E2F5: variants seen among roughly 807,000 people sequenced by gnomAD.
The protein encoded by E2F5 is E2F transcription factor 5.
In E2F5, 23 loss-of-function variants were observed where a neutral mutation model predicts 39.1. The ratio of observed to expected loss-of-function variants is 0.59; its 90% confidence interval spans 0.42 to 0.83. E2F5 has a LOEUF of 0.83. Ranked by LOEUF, E2F5 falls within the 40% of genes least tolerant of loss-of-function variation. The probability of loss-of-function intolerance (pLI) is 0.00; values close to 1 mark genes in which losing one functional copy is unlikely to be tolerated. For missense variants in E2F5, 365 were observed against 406.7 expected, an observed-to-expected ratio of 0.90 and a Z score of 0.88; for synonymous variants, 145 against 157.8, an observed-to-expected ratio of 0.92 and a Z score of 0.61.
At position 85,212,461 on chromosome 8, in the gene E2F5, C is replaced by G. The variant is rs1812954485; in HGVS notation, c.931+257C>G. On this transcript the variant is annotated intron_variant, in intron 7 of 7. Transcript: ENST00000416274. ...ATTGAAAATAAACTGTTAGCCCTTT[C>G]CACTCCTGAAGGATCTGGTCCAAGA... The G allele has an allele frequency of 1.5e-5, 6 of 388,646 alleles. No homozygotes were observed. In the South Asian group the frequency reaches 1.6e-4, roughly 10 times the overall value. 24.1% of individuals were successfully genotyped at this position (388,646 alleles called of 1,614,324 possible).
At chr8:85,194,069 T>C (rs1812526110) in intron 1 of E2F5, among the ~76,000 whole-genome samples, 1 of 152,186 alleles carries the variant, frequency 6.6e-6, no homozygotes, top group African/African-American at 2.4e-5. Flanking sequence ...CTATCTTTTG[T>C]CCGTGTTTTA....
At chr8:85,204,290 A>T (rs1466480681) in intron 3 of E2F5, among the ~76,000 whole-genome samples, 1 of 152,050 alleles carries the variant, frequency 6.6e-6, no homozygotes, top group African/African-American at 2.4e-5. Flanking sequence ...TCTGTATATT[A>T]TGGTATTTTG....
chr8:85,209,346 G>A lies in E2F5; in HGVS notation c.820G>A (p.Glu274Lys). The A allele has an allele frequency of 1.2e-6, 2 of 1,613,936 alleles. No homozygotes were observed. The highest frequency in any genetic ancestry group is 1.7e-6 in the Non-Finnish European group (2 of 1,179,860). ...CAGCATGGCAACTCAAAATCTGCCT[G>A]AGCAACATGTCTCTGAAAGAAGCCA... Reference protein sequence around the residue: ...KSSMATQNLPEQHVSERSQAL... With the variant: ...KSSMATQNLPKQHVSERSQAL... Residue 274 changes from glutamate to lysine, a missense_variant, in exon 6 of 8, where the codon GAG becomes AAG. Transcript: ENST00000416274.
chr8:85,198,278 CCT>C (rs1470993194), intron 1 of E2F5, among the ~76,000 whole-genome samples: 2 of 152,214 alleles, frequency 1.3e-5, no homozygotes, highest in Non-Finnish European at 2.9e-5. Context: ...GTTAATGATT[CCT>C]CTTTCTTTAC....
At chr8:85,197,517 T>C (rs1432972684) in intron 1 of E2F5, among the ~76,000 whole-genome samples, 1 of 152,216 alleles carries the variant, frequency 6.6e-6, no homozygotes, top group African/African-American at 2.4e-5. Context: ...CTTAGAAGCA[T>C]TGCAGACTTT....
chr8:85,188,832 C>T (rs1267543375), intron 1 of E2F5, among the ~76,000 whole-genome samples: 1 of 152,152 alleles, frequency 6.6e-6, no homozygotes, highest in African/African-American at 2.4e-5. Context: ...TGTCTCTCTC[C>T]TTGCTGTGCT....
intron 1 of E2F5, chr8:85,177,975 T>C: frequency 5.8e-6 from 1 of 173,498 alleles, no homozygotes; most frequent in Admixed American, 6.4e-5. Context: ...GGTAACCGAG[T>C]GTCTGTTGCT....
At chr8:85,195,811 A>T (rs2129691715) in intron 1 of E2F5, among the ~76,000 whole-genome samples, 1 of 152,170 alleles carries the variant, frequency 6.6e-6, no homozygotes, top group East Asian at 1.9e-4. Flanking sequence ...TTTTCAAAGT[A>T]TGCAATTGAA....
intron 5 of E2F5, 30 bp from the exon 6 acceptor site, chr8:85,209,112 T>C (rs1285115350): frequency 8.8e-6 from 14 of 1,596,198 alleles, no homozygotes; most frequent in Non-Finnish European, 1.2e-5. Context: ...TTAATAATTA[T>C]ACATTTGTTT....
intron 1 of E2F5, among the ~76,000 whole-genome samples, chr8:85,188,056 C>A (rs1006418898): frequency 1.3e-5 from 2 of 152,244 alleles, no homozygotes; most frequent in East Asian, 1.9e-4. Flanking sequence ...ACCTAACAAG[C>A]CTCTATGCTT....
chr8:85,180,002 T>C (rs1812166072), intron 1 of E2F5, among the ~76,000 whole-genome samples: 1 of 149,312 alleles, frequency 6.7e-6, no homozygotes, highest in Non-Finnish European at 1.5e-5. Context: ...TTTCTTATTA[T>C]ACACCATAGT....
chr8:85,194,899 G>A (rs987783202), intron 1 of E2F5, among the ~76,000 whole-genome samples: 3 of 150,922 alleles, frequency 2.0e-5, no homozygotes, highest in East Asian at 1.9e-4. Flanking sequence ...TACCACACCC[G>A]GCTATGCCAG....
At chr8:85,203,016 C>T in intron 2 of E2F5, 78 bp from the exon 3 acceptor site, 1 of 1,073,628 alleles carries the variant, frequency 9.3e-7, no homozygotes, top group Non-Finnish European at 1.2e-6. Context: ...CTAAATAAGT[C>T]AGTTTTATTA....
Position 85,203,088 on chromosome 8 carries a change from T to A in E2F5, c.345-6T>A. 1 of 1,485,726 alleles carries A rather than the reference T, an allele frequency of 6.7e-7. No individual in the cohort carries two copies. The highest frequency in any genetic ancestry group is 9.0e-7 in the Non-Finnish European group (1 of 1,116,126). The allele number at this position is 1,485,726 out of a possible 1,614,324, so 92.0% of individuals were successfully genotyped here. ...CTGAGGATATTAATTCTCATATGTT[T>A]TTAAGAGGTGTAGGTGCTGGCTGTA... On this transcript the variant is annotated splice_region_variant and splice_polypyrimidine_tract_variant and intron_variant, in intron 2 of 7. Coordinates refer to ENST00000416274, the MANE Select transcript of E2F5 (RefSeq NM_001951.4).
chr8:85,180,379 T>G (rs902733751), intron 1 of E2F5, among the ~76,000 whole-genome samples: 1 of 151,696 alleles, frequency 6.6e-6, no homozygotes, highest in African/African-American at 2.4e-5. Flanking sequence ...AATTATAAAT[T>G]TCCTCTAATT....
intron 1 of E2F5, among the ~76,000 whole-genome samples, chr8:85,189,139 C>T (rs1328262672): frequency 6.6e-6 from 1 of 152,126 alleles, no homozygotes; most frequent in African/African-American, 2.4e-5. Flanking sequence ...TTTCCTCTTA[C>T]ATCTTAATAT....
chr8:85,203,522 A>G (rs1812737624), intron 3 of E2F5, among the ~76,000 whole-genome samples: 1 of 152,096 alleles, frequency 6.6e-6, no homozygotes, highest in Non-Finnish European at 1.5e-5. Context: ...CAATTGATAG[A>G]ATGCAGTATG....
intron 1 of E2F5, among the ~76,000 whole-genome samples, chr8:85,181,509 T>G (rs998654560): frequency 1.9e-4 from 29 of 150,218 alleles, no homozygotes; most frequent in Admixed American, 3.3e-4. Flanking sequence ...TTTGTTTTTT[T>G]TTTTTTTGTA....
At chr8:85,189,813 G>A (rs1812421732) in intron 1 of E2F5, among the ~76,000 whole-genome samples, 1 of 152,024 alleles carries the variant, frequency 6.6e-6, no homozygotes, top group African/African-American at 2.4e-5. Context: ...ATTCACAAAT[G>A]TGTGCCCCGT....
Sources: allele counts gnomAD v4.1 joint callset (sites outside exome capture counted in the v4.1 genomes callset), GRCh38; gene constraint gnomAD v4.1.1; transcripts MANE v1.5; gene names NCBI Gene and HGNC (gene_info 2026-07-23, HGNC 2026-07-21).